The following GALNTL6 variants were observed in gnomAD, a reference collection of about 807,000 sequenced individuals.
The protein encoded by GALNTL6 is polypeptide N-acetylgalactosaminyltransferase-like 6.
In GALNTL6, 46 loss-of-function variants were observed where a neutral mutation model predicts 73.7. The observed-to-expected ratio is 0.62, with a 90% CI of 0.49 to 0.80. GALNTL6 has a LOEUF of 0.80. GALNTL6 is among the 30% of genes least tolerant of loss of function. The pLI, the probability that GALNTL6 is intolerant of heterozygous loss-of-function variation, is 0.00. For missense variants in GALNTL6, 604 were observed against 755.0 expected (o/e 0.80, Z 2.34); for synonymous variants, 259 against 263.7 (o/e 0.98, Z 0.17).
intron 3 of GALNTL6, among the ~76,000 whole-genome samples, chr4:172,295,440 A>G (rs36167093): frequency 1.3e-5 from 2 of 148,470 alleles, no homozygotes; most frequent in African/African-American, 2.5e-5. Flanking sequence ...AAAAAGTGCC[A>G]CAATCAGAAA....
rs114502666 is a variant in GALNTL6, at chr4:173,010,006, C to T, written c.1488+712C>T. ...ATTTATCCTTTGTGTTACAAACAAT[C>T]CAATTATATTATTTTACTTATTTTG... On this transcript the variant is annotated intron_variant, in intron 11 of 12. Transcript: ENST00000506823. Among the ~76,000 whole-genome samples, 1,365 of 152,242 alleles carry T rather than the reference C, an allele frequency of 9.0e-3. 13 individuals are homozygous for T. Among genetic ancestry groups the T allele is most frequent in the Non-Finnish European group, 0.013 (865 of 68,010 alleles).
intron 10 of GALNTL6, among the ~76,000 whole-genome samples, chr4:172,965,823 A>G (rs1750301696): frequency 6.6e-6 from 1 of 152,136 alleles, no homozygotes; most frequent in Non-Finnish European, 1.5e-5. Context: ...TTTTATAAAC[A>G]TATGTATTTG....
At chr4:172,581,988 C>G (rs760412324) in intron 5 of GALNTL6, among the ~76,000 whole-genome samples, 2 of 152,174 alleles carry the variant, frequency 1.3e-5, no homozygotes, top group Non-Finnish European at 2.9e-5. Flanking sequence ...TCTTGGATGT[C>G]TGTACTCACA....
At chr4:172,342,463 T>C (rs949002935) in intron 4 of GALNTL6, among the ~76,000 whole-genome samples, 1 of 152,184 alleles carries the variant, frequency 6.6e-6, no homozygotes, top group Non-Finnish European at 1.5e-5. Context: ...TGTATCACTT[T>C]TTTACCCAGT....
intron 2 of GALNTL6, among the ~76,000 whole-genome samples, chr4:171,886,475 AT>A (rs1322839463): frequency 9.0e-6 from 1 of 110,604 alleles, no homozygotes; most frequent in East Asian, 2.9e-4. Flanking sequence ...ATTTTAGTTT[AT>A]GAGTAAAAAA....
chr4:172,200,474 AG>A (rs1286380443), intron 2 of GALNTL6, among the ~76,000 whole-genome samples: 8 of 152,212 alleles, frequency 5.3e-5, no homozygotes, highest in African/African-American at 1.9e-4. Flanking sequence ...CAATATGAAA[AG>A]CAAGTTGTGG....
At chr4:172,302,164 GA>G (rs1196249406) in intron 3 of GALNTL6, among the ~76,000 whole-genome samples, 1 of 152,174 alleles carries the variant, frequency 6.6e-6, no homozygotes, top group African/African-American at 2.4e-5. Flanking sequence ...AGGACCCTCC[GA>G]GCCAGGCATG....
chr4:172,663,498 G>C (rs1246987572), intron 5 of GALNTL6, among the ~76,000 whole-genome samples: 1 of 152,144 alleles, frequency 6.6e-6, no homozygotes. Flanking sequence ...CAACCCCAAG[G>C]TCCCACTAGT....
intron 3 of GALNTL6, among the ~76,000 whole-genome samples, chr4:172,298,954 C>T (rs1421109010): frequency 2.0e-5 from 3 of 152,202 alleles, no homozygotes; most frequent in African/African-American, 2.4e-5. Flanking sequence ...ACCAGCTCCT[C>T]CTTGTATCTC....
At chr4:172,891,117 G>A (rs1452764777) in intron 8 of GALNTL6, among the ~76,000 whole-genome samples, 4 of 134,330 alleles carry the variant, frequency 3.0e-5, no homozygotes, top group Non-Finnish European at 3.1e-5. Context: ...GCAGAAGGTT[G>A]GGCCTTTTTT....
chr4:172,573,776 T>C (rs1455397007), intron 5 of GALNTL6, among the ~76,000 whole-genome samples: 1 of 152,212 alleles, frequency 6.6e-6, no homozygotes, highest in Non-Finnish European at 1.5e-5. Flanking sequence ...TTTTCAAGAA[T>C]GTAAAATCTT....
chr4:172,931,874 G>A (rs996748372), intron 9 of GALNTL6, among the ~76,000 whole-genome samples: 5 of 152,058 alleles, frequency 3.3e-5, no homozygotes, highest in Admixed American at 2.0e-4. Context: ...CTCTTCTGCC[G>A]TTTGAAACAT....
chr4:172,200,347 G>C (rs1735913663), intron 2 of GALNTL6, among the ~76,000 whole-genome samples: 1 of 152,144 alleles, frequency 6.6e-6, no homozygotes, highest in Admixed American at 6.5e-5. Context: ...GCTAGACATT[G>C]ATTTTACCTG....
At chr4:172,778,530 G>A (rs1263243739) in intron 5 of GALNTL6, among the ~76,000 whole-genome samples, 3 of 152,148 alleles carry the variant, frequency 2.0e-5, no homozygotes, top group African/African-American at 7.2e-5. Flanking sequence ...CAGAATAACA[G>A]AGTCTCACTG....
At chr4:172,339,560 G>T (rs1359513183) in intron 4 of GALNTL6, among the ~76,000 whole-genome samples, 4 of 152,130 alleles carry the variant, frequency 2.6e-5, no homozygotes, top group African/African-American at 9.7e-5. Flanking sequence ...TTGCCGAAGA[G>T]TGACTGACTC....
intron 9 of GALNTL6, among the ~76,000 whole-genome samples, chr4:172,943,886 A>C (rs2126317154): frequency 6.6e-6 from 1 of 152,336 alleles, no homozygotes; most frequent in Admixed American, 6.5e-5. Flanking sequence ...TATACATTGG[A>C]GAAAACATTA....
chr4:172,269,062 A>T (rs1214695373), intron 3 of GALNTL6, among the ~76,000 whole-genome samples: 2 of 152,110 alleles, frequency 1.3e-5, no homozygotes, highest in Admixed American at 1.3e-4. Flanking sequence ...CCAAGCAACA[A>T]CTGGTGGGTG....
At chr4:171,890,316 GA>G (rs1374210215) in intron 2 of GALNTL6, among the ~76,000 whole-genome samples, 3 of 152,150 alleles carry the variant, frequency 2.0e-5, no homozygotes, top group Non-Finnish European at 4.4e-5. Flanking sequence ...AGGAAAATCA[GA>G]AAATCAGAAA....
intron 3 of GALNTL6, among the ~76,000 whole-genome samples, chr4:172,308,005 T>TTTTTA (rs1371985340): frequency 7.6e-4 from 24 of 31,464 alleles, no homozygotes; most frequent in South Asian, 2.2e-3. Flanking sequence ...TGTTTTAACT[T>TTTTTA]TTTTTTTTTT....
Sources: gnomAD v4.1 joint callset for allele counts (sites outside exome capture counted in the v4.1 genomes callset) on GRCh38, gnomAD v4.1.1 for gene constraint, MANE v1.5 for transcripts, NCBI Gene and HGNC (gene_info 2026-07-23, HGNC 2026-07-21) for gene names.